Variants in CEP112 observed in about 807,000 individuals in gnomAD.
The protein encoded by CEP112 is centrosomal protein 112.
CEP112 carries 127 observed loss-of-function variants against 153.0 expected under a neutral mutation model. That is an observed-to-expected ratio of 0.83 (90% CI 0.72 to 0.96). CEP112 has a LOEUF of 0.96. Ranked by LOEUF, CEP112 falls within the 40% of genes least tolerant of loss-of-function variation. The pLI, the probability that CEP112 is intolerant of heterozygous loss-of-function variation, is 0.00. For missense variants in CEP112, 1,089 were observed against 1,101.2 expected, an observed-to-expected ratio of 0.99 and a Z score of 0.16; for synonymous variants, 358 against 374.4, an observed-to-expected ratio of 0.96 and a Z score of 0.51.
At chr17:65,791,132 A>G (rs1037512012) in intron 21 of CEP112, among the ~76,000 whole-genome samples, 2 of 152,196 alleles carry the variant, frequency 1.3e-5, no homozygotes, top group African/African-American at 4.8e-5. Flanking sequence ...TAAATCTTTT[A>G]GATTTCACGA....
At chr17:65,853,951 T>G (rs2058048015) in intron 20 of CEP112, among the ~76,000 whole-genome samples, 1 of 152,220 alleles carries the variant, frequency 6.6e-6, no homozygotes, top group South Asian at 2.1e-4. Context: ...CATGTATGAT[T>G]GCTAAGAAAT....
chr17:65,760,042 T>A (rs1365747856), intron 21 of CEP112, among the ~76,000 whole-genome samples: 1 of 152,128 alleles, frequency 6.6e-6, no homozygotes, highest in Non-Finnish European at 1.5e-5. Flanking sequence ...TAGTATTGTG[T>A]TTTTGGTTTA....
At chr17:65,944,472 G>T (rs1447039271) in intron 18 of CEP112, among the ~76,000 whole-genome samples, 1 of 152,030 alleles carries the variant, frequency 6.6e-6, no homozygotes, top group African/African-American at 2.4e-5. Flanking sequence ...TAAAAGAAAA[G>T]CAATAAAGTT....
At chr17:66,114,470 G>A (rs377029584) in intron 6 of CEP112, among the ~76,000 whole-genome samples, 1 of 152,032 alleles carries the variant, frequency 6.6e-6, no homozygotes, top group South Asian at 2.1e-4. Context: ...TAGCAAGAAG[G>A]ACATTGTCAA....
intron 11 of CEP112, among the ~76,000 whole-genome samples, chr17:66,055,780 A>G (rs900564022): frequency 2.6e-5 from 4 of 152,224 alleles, no homozygotes; most frequent in Non-Finnish European, 5.9e-5. Flanking sequence ...TGAGACTACA[A>G]GGGTAAAAAT....
At chr17:65,866,100 C>T (rs991760975) in intron 20 of CEP112, among the ~76,000 whole-genome samples, 5 of 152,108 alleles carry the variant, frequency 3.3e-5, no homozygotes, top group African/African-American at 1.2e-4. Context: ...GACGCAGCCA[C>T]GTACCCAGGC....
At chr17:66,026,196 T>C (rs530542497) in intron 16 of CEP112, among the ~76,000 whole-genome samples, 51 of 152,204 alleles carry the variant, frequency 3.4e-4, no homozygotes, top group African/African-American at 1.2e-3. Context: ...ATTTGGGTAA[T>C]GGTTACACTA....
chr17:66,163,354 T>C (rs1302715774), intron 4 of CEP112, among the ~76,000 whole-genome samples: 1 of 152,222 alleles, frequency 6.6e-6, no homozygotes, highest in Non-Finnish European at 1.5e-5. Flanking sequence ...TCTTTTCATT[T>C]ATCTGAGCAG....
At chr17:65,963,886 T>C (rs947602280) in intron 17 of CEP112, among the ~76,000 whole-genome samples, 2 of 152,220 alleles carry the variant, frequency 1.3e-5, no homozygotes, top group African/African-American at 4.8e-5. Flanking sequence ...ACAATAATCA[T>C]TGCAATCCCA....
chr17:65,721,058 A>ATGATC (rs2049854699), intron 23 of CEP112, among the ~76,000 whole-genome samples: 1 of 134,148 alleles, frequency 7.5e-6, no homozygotes, highest in Admixed American at 8.5e-5. Context: ...GTTGTCCAGG[A>ATGATC]TGGAGTGCAG....
intron 23 of CEP112, among the ~76,000 whole-genome samples, chr17:65,737,842 A>C (rs984197219): frequency 2.6e-5 from 4 of 152,356 alleles, no homozygotes; most frequent in Non-Finnish European, 4.4e-5. Context: ...TTACATGAGA[A>C]AGAAAGACTT....
intron 11 of CEP112, among the ~76,000 whole-genome samples, chr17:66,060,131 A>G (rs1320040998): frequency 6.6e-6 from 1 of 151,994 alleles, no homozygotes; most frequent in African/African-American, 2.4e-5. Context: ...GACACTGGGG[A>G]CTCCTAGAGG....
chr17:66,174,950 C>T, intron 4 of CEP112, 94 bp downstream of exon 4: 1 of 827,790 alleles, frequency 1.2e-6, no homozygotes, highest in Non-Finnish European at 1.7e-6. Context: ...AAACTACTTC[C>T]ATTATAAAAA....
rs748358248 is a variant in CEP112, at chr17:66,039,190, ATAAGT to A, written c.1219-9172_1219-9168del. Among the ~76,000 whole-genome samples the A allele has an allele frequency of 6.6e-5, 10 of 152,222 alleles. No individual in the cohort carries two copies. The East Asian group carries it at 7.7e-4, about 12-fold the overall frequency. ...TTAATTATCATAGGTTTGATTTCCT[ATAAGT>A]TAAGTCTTAGAAAATATAAAATGTC... is the stretch of plus-strand genomic sequence containing the variant. On this transcript the variant is annotated intron_variant, in intron 12 of 26. Coordinates refer to ENST00000535342, the MANE Select transcript of CEP112 (RefSeq NM_001199165.4).
intron 23 of CEP112, among the ~76,000 whole-genome samples, chr17:65,700,087 G>A (rs1323038777): frequency 6.7e-6 from 1 of 149,700 alleles, no homozygotes; most frequent in East Asian, 2.0e-4. Context: ...CATGCTTTCT[G>A]CTCCTCCTCC....
chr17:65,652,175 G>A (rs1476450362), intron 24 of CEP112, among the ~76,000 whole-genome samples: 1 of 152,088 alleles, frequency 6.6e-6, no homozygotes, highest in African/African-American at 2.4e-5. Context: ...TGAGCTAATA[G>A]AGCCATCTAG....
intron 8 of CEP112, among the ~76,000 whole-genome samples, chr17:66,085,246 A>G (rs1353487711): frequency 6.6e-6 from 1 of 152,204 alleles, no homozygotes; most frequent in Non-Finnish European, 1.5e-5. Flanking sequence ...AAGGTTTTTA[A>G]TATAACAGAG....
intron 23 of CEP112, among the ~76,000 whole-genome samples, chr17:65,726,583 G>A (rs2050193937): frequency 6.6e-6 from 1 of 152,178 alleles, no homozygotes; most frequent in South Asian, 2.1e-4. Context: ...AAGAGAATGT[G>A]TGTGTCAAGG....
chr17:66,037,058 C>T (rs2065768950), intron 12 of CEP112, among the ~76,000 whole-genome samples: 1 of 152,104 alleles, frequency 6.6e-6, no homozygotes. Flanking sequence ...TATTAAAATG[C>T]TCATTCCAGG....
Sources: allele counts gnomAD v4.1 joint callset (sites outside exome capture counted in the v4.1 genomes callset), GRCh38; gene constraint gnomAD v4.1.1; transcripts MANE v1.5; gene names NCBI Gene and HGNC (gene_info 2026-07-23, HGNC 2026-07-21).